The following MON2 variants were observed in gnomAD, a reference collection of about 807,000 sequenced individuals.
The protein encoded by MON2 is protein MON2 homolog.
A neutral mutation model predicts 208.6 loss-of-function variants in MON2; 84 were observed. The ratio of observed to expected loss-of-function variants is 0.40; its 90% CI spans 0.34 to 0.48. The LOEUF is 0.48. MON2 is among the 20% of genes least tolerant of loss of function. The pLI is 0.59. For missense variants in MON2, 1,611 were observed against 2,015.4 expected (o/e 0.80, Z 3.84); for synonymous variants, 660 against 694.0 (o/e 0.95, Z 0.77).
chr12:62,586,515 G>A (rs553641014), intron 33 of MON2, among the ~76,000 whole-genome samples: 1 of 152,170 alleles, frequency 6.6e-6, no homozygotes, highest in African/African-American at 2.4e-5. Flanking sequence ...CTAATTTGAT[G>A]AATGAAAAAT....
chr12:62,582,100 T>C (rs189548913), intron 32 of MON2, among the ~76,000 whole-genome samples: 1 of 152,360 alleles, frequency 6.6e-6, no homozygotes, highest in Admixed American at 6.5e-5. Flanking sequence ...CCGCTTATCT[T>C]AATGTAGCCA....
At chr12:62,536,265 C>A (rs1424428983) in intron 14 of MON2, among the ~76,000 whole-genome samples, 1 of 151,768 alleles carries the variant, frequency 6.6e-6, no homozygotes, top group Non-Finnish European at 1.5e-5. Flanking sequence ...ATGTTTGTAA[C>A]CACTTAGGTT....
At position 62,594,435 on chromosome 12, in the gene MON2, T is replaced by C. The variant is rs1184033643; in HGVS notation, c.*1686T>C. 3.3e-5 allele frequency: 5 copies of C among 152,224 alleles called. No homozygotes were observed. The highest frequency in any genetic ancestry group is 7.4e-5 in the Non-Finnish European group (5 of 68,006). The allele number at this position is 152,224 out of a possible 1,614,324, so 9.4% of individuals were successfully genotyped here. Reference sequence around the variant, plus strand: ...CCTAAAATTAAGGTAAAATATGGCATTTCATAAGTTCTGCTTTCAGCATTT... The same window carrying C: ...CCTAAAATTAAGGTAAAATATGGCACTTCATAAGTTCTGCTTTCAGCATTT... On this transcript the variant is annotated 3_prime_UTR_variant, in exon 35 of 35. Transcript: ENST00000393630.
Position 62,537,164 on chromosome 12 carries a change from G to C in MON2, c.1914G>C (p.Gln638His). Residue 638 changes from glutamine to histidine, a missense_variant, in exon 15 of 35, where the codon CAG becomes CAC. Transcript: ENST00000393630. ...TTTGTGTTCTAGCATATTCCGTTCAGGGCCAAAGTGTTATGATGATAAGTC... is the reference window on the plus strand; with the variant it reads ...TTTGTGTTCTAGCATATTCCGTTCACGGCCAAAGTGTTATGATGATAAGTC... Reference protein sequence around the residue: ...ATLSNKSYSVQGQSVMMISPS... With the variant: ...ATLSNKSYSVHGQSVMMISPS... 1.2e-6 allele frequency: 2 copies of C among 1,609,618 alleles called. No homozygotes were observed. Among genetic ancestry groups the C allele is most frequent in the Non-Finnish European group, 8.5e-7 (1 of 1,177,164 alleles).
At chr12:62,529,810 A>C (rs1010189487) in intron 11 of MON2, among the ~76,000 whole-genome samples, 1 of 152,116 alleles carries the variant, frequency 6.6e-6, no homozygotes, top group East Asian at 1.9e-4. Context: ...GGAATCACAC[A>C]ATAAATGTTA....
chr12:62,579,105 A>C (rs556034634), intron 31 of MON2, among the ~76,000 whole-genome samples: 1 of 151,926 alleles, frequency 6.6e-6, no homozygotes, highest in Admixed American at 6.6e-5. Context: ...TTAATTGGGC[A>C]TGGTGGTTCA....
chr12:62,542,306 C>G (rs2073275312), intron 19 of MON2, among the ~76,000 whole-genome samples: 1 of 152,174 alleles, frequency 6.6e-6, no homozygotes. Context: ...AGAATATAGA[C>G]TCATAAAAAA....
Position 62,580,361 on chromosome 12 carries a change from G to A in MON2, c.4640G>A (p.Gly1547Asp). 6.2e-7 allele frequency: 1 copy of A among 1,608,096 alleles called. No homozygotes were observed. Among genetic ancestry groups the A allele is most frequent in the Admixed American group, 1.7e-5 (1 of 59,982 alleles). ...YANFIPKEFV[G>D]QIMTMLNKGS... is the part of the protein sequence containing the mutation. ...AATTTTATTCCTAAGGAATTTGTTG[G>A]TCAAATAATGACAATGCTTAACAAG... Residue 1547 changes from glycine (G) to aspartate (D), a missense_variant, in exon 32 of 35, where the codon GGT becomes GAT. Physicochemically the swap from Gly to Asp is moderately conservative, Grantham distance 94 (BLOSUM62 -1). Coordinates refer to ENST00000393630, the MANE Select transcript of MON2 (RefSeq NM_015026.3).
chr12:62,508,524 T>C (rs1234713970), intron 8 of MON2, 44 bp downstream of exon 8: 1 of 1,562,814 alleles, frequency 6.4e-7, no homozygotes, highest in Admixed American at 1.7e-5. Context: ...TAGTTGCATG[T>C]TGTGCCCTTT....
chr12:62,568,956 C>T (rs1254484091), intron 29 of MON2, among the ~76,000 whole-genome samples: 1 of 152,118 alleles, frequency 6.6e-6, no homozygotes, highest in African/African-American at 2.4e-5. Flanking sequence ...CCGAGCCACT[C>T]AGTTTGTATT....
intron 11 of MON2, among the ~76,000 whole-genome samples, chr12:62,527,491 A>G (rs1415666441): frequency 6.6e-6 from 1 of 152,186 alleles, no homozygotes; most frequent in Admixed American, 6.5e-5. Context: ...TACAAAAGGT[A>G]ATGACTCAAG....
intron 7 of MON2, among the ~76,000 whole-genome samples, chr12:62,504,249 T>C (rs1324586424): frequency 3.4e-5 from 5 of 147,578 alleles, no homozygotes; most frequent in Non-Finnish European, 1.5e-5. Flanking sequence ...TCTTTTCTTT[T>C]TTTTTTTTTT....
chr12:62,484,203 A>G lies in MON2; in HGVS notation c.145A>G (p.Ile49Val). Residue 49 changes from isoleucine (I) to valine (V), a missense_variant, in exon 2 of 35, where the codon ATT becomes GTT. Ile to Val is a conservative substitution (Grantham distance 29, BLOSUM62 3). Coordinates refer to ENST00000393630, the MANE Select transcript of MON2 (RefSeq NM_015026.3). Reference protein sequence around the residue: ...AESGIIKVKTIAARNTEILAA... With the variant: ...AESGIIKVKTVAARNTEILAA... ...ATCAGGAATAATAAAAGTTAAAACA[A>G]TTGCTGCACGAAACACTGAAATTTT... The G allele has an allele frequency of 6.2e-7, 1 of 1,602,266 alleles. No homozygotes were observed. The highest frequency in any genetic ancestry group is 8.5e-7 in the Non-Finnish European group (1 of 1,175,290).
At position 62,598,817 on chromosome 12, in the gene MON2, G is replaced by T. The variant is rs2075575187; in HGVS notation, c.*6068G>T. Reference sequence around the variant, plus strand: ...AGTCTAGGATAGATTTTTCATGAAAGCTATATAGTTATAACTGTGATTGTA... The same window carrying T: ...AGTCTAGGATAGATTTTTCATGAAATCTATATAGTTATAACTGTGATTGTA... On this transcript the variant is annotated 3_prime_UTR_variant, in exon 35 of 35. Coordinates refer to ENST00000393630, the MANE Select transcript of MON2 (RefSeq NM_015026.3). 6.6e-6 allele frequency: 1 copy of T among 152,142 alleles called. No individual in the cohort carries two copies. The highest frequency in any genetic ancestry group is 6.5e-5 in the Admixed American group (1 of 15,280). 9.4% of individuals were successfully genotyped at this position (152,142 alleles called of 1,614,324 possible).
At chr12:62,565,206 G>A (rs774465269) in intron 26 of MON2, 31 bp from the exon 27 acceptor site, 11 of 1,598,452 alleles carry the variant, frequency 6.9e-6, no homozygotes, top group Admixed American at 1.7e-5. Flanking sequence ...TTCAGATTAT[G>A]CATTCTAATG....
At position 62,598,168 on chromosome 12, in the gene MON2, T is replaced by C. The variant is rs1487832480; in HGVS notation, c.*5419T>C. 3.3e-5 allele frequency: 5 copies of C among 152,166 alleles called. No homozygotes were observed. The highest frequency in any genetic ancestry group is 7.4e-5 in the Non-Finnish European group (5 of 68,022). 9.4% of individuals were successfully genotyped at this position (152,166 alleles called of 1,614,324 possible). On this transcript the variant is annotated 3_prime_UTR_variant, in exon 35 of 35. Coordinates refer to ENST00000393630, the MANE Select transcript of MON2 (RefSeq NM_015026.3). Reference sequence around the variant, plus strand: ...CTTTCTGGAGTGTATTTGGTGTCTGTGTGATTGGTTCACCCAGAGGTCACC... The same window carrying C: ...CTTTCTGGAGTGTATTTGGTGTCTGCGTGATTGGTTCACCCAGAGGTCACC...
chr12:62,538,370 A>G (rs1284670195), intron 18 of MON2, 45 bp downstream of exon 18: 2 of 1,587,752 alleles, frequency 1.3e-6, no homozygotes, highest in African/African-American at 2.7e-5. Flanking sequence ...GTTATTTGTT[A>G]TATATTTTAG....
chr12:62,489,975 T>C, intron 2 of MON2: 1 of 1,048,926 alleles, frequency 9.5e-7, no homozygotes, highest in Non-Finnish European at 1.2e-6. Flanking sequence ...CAATAAAACT[T>C]TTATTACACC....
chr12:62,506,817 A>G (rs2071125794), intron 7 of MON2, among the ~76,000 whole-genome samples: 1 of 151,986 alleles, frequency 6.6e-6, no homozygotes, highest in South Asian at 2.1e-4. Flanking sequence ...AGATGAAAGG[A>G]TTAGGTCAAA....
Sources: allele counts gnomAD v4.1 joint callset (sites outside exome capture counted in the v4.1 genomes callset), GRCh38; gene constraint gnomAD v4.1.1; transcripts MANE v1.5; gene names NCBI Gene and HGNC (gene_info 2026-07-23, HGNC 2026-07-21).